Variants in RSPRY1 observed in about 807,000 individuals in gnomAD.
RSPRY1 encodes the protein ring finger and SPRY domain containing 1.
A neutral mutation model predicts 73.1 loss-of-function variants in RSPRY1; 23 were observed. The ratio of observed to expected loss-of-function variants is 0.31; its 90% CI spans 0.23 to 0.45. The LOEUF (loss-of-function observed/expected upper bound fraction) is 0.45, where lower values mean the gene tolerates loss of function less well. Ranked by LOEUF, RSPRY1 falls within the 20% of genes least tolerant of loss-of-function variation. RSPRY1 has a pLI of 1.00. For missense variants in RSPRY1, 448 were observed against 698.7 expected (o/e 0.64, Z 4.05); for synonymous variants, 226 against 251.4 (o/e 0.90, Z 0.95).
At position 57,219,016 on chromosome 16, in the gene RSPRY1, G is replaced by C. The variant is rs944388553; in HGVS notation, c.902-1716G>C. Among the ~76,000 whole-genome samples, 3 of 122,922 alleles carry C rather than the reference G, an allele frequency of 2.4e-5. 1 individual carries two copies. The highest frequency in any genetic ancestry group is 5.0e-5 in the Non-Finnish European group (3 of 59,584). The allele number at this position is 122,922 out of a possible 152,430, so 80.6% of individuals were successfully genotyped here. On this transcript the variant is annotated intron_variant, in intron 8 of 14. Transcript: ENST00000394420. ...CTCCCAAAGTGCTGGGATTACAGGC[G>C]TGAGCCACCGCGCCCGGCCACATTT...
intron 12 of RSPRY1, 119 bp from the exon 13 acceptor site, chr16:57,231,048 C>G (rs1201283602): frequency 1.1e-6 from 1 of 925,476 alleles, no homozygotes; most frequent in Non-Finnish European, 1.6e-6. Context: ...CAGTCTGTCA[C>G]TCTTCCTTTC....
At position 57,193,555 on chromosome 16, in the gene RSPRY1, T is replaced by A. The variant is rs988538171; in HGVS notation, c.-156+7104T>A. ...TCACCCAGGCTTGAGGGTAGTGGGA[T>A]GATCTCGGCTCACTGCAACCTCCAC... On this transcript the variant is annotated intron_variant, in intron 1 of 14. Transcript: ENST00000394420. Among the ~76,000 whole-genome samples the A allele has an allele frequency of 3.3e-5, 5 of 151,376 alleles. No homozygotes were observed. In the South Asian group the frequency reaches 1.0e-3, roughly 32 times the overall value.
chr16:57,201,511 C>T (rs1374958693), intron 1 of RSPRY1, among the ~76,000 whole-genome samples: 6 of 149,882 alleles, frequency 4.0e-5, no homozygotes, highest in African/African-American at 9.9e-5. Flanking sequence ...ACATCCCAGA[C>T]GATGGGCGGC....
intron 1 of RSPRY1, among the ~76,000 whole-genome samples, chr16:57,189,305 T>G (rs1401446099): frequency 2.0e-5 from 3 of 152,144 alleles, no homozygotes; most frequent in African/African-American, 7.2e-5. Context: ...CCTCAGTGAT[T>G]ATTTTCAAGT....
chr16:57,202,878 T>TTATATATATATATA (rs55701001), intron 1 of RSPRY1, among the ~76,000 whole-genome samples: 2,601 of 130,950 alleles, frequency 0.02, 41 homozygotes, highest in South Asian at 0.037. Flanking sequence ...TTACATATGA[T>TTATATATATATATA]TATATATATA....
At chr16:57,212,469 A>G (rs1456390005) in intron 4 of RSPRY1, among the ~76,000 whole-genome samples, 1 of 152,228 alleles carries the variant, frequency 6.6e-6, no homozygotes, top group African/African-American at 2.4e-5. Flanking sequence ...TATTTGATAC[A>G]ACTTAAGCAT....
intron 1 of RSPRY1, among the ~76,000 whole-genome samples, chr16:57,196,020 CAA>C (rs1185993362): frequency 9.4e-5 from 12 of 127,254 alleles, no homozygotes; most frequent in African/African-American, 1.5e-4. Context: ...GACTTCATCT[CAA>C]AAAAAAAAAA....
rs1451216451 is a variant in RSPRY1 at position 57,209,134 on chromosome 16, C to T, written c.463C>T (p.Leu155=). The change falls in exon 4 of 15, where the codon CTG becomes TTG. Residue 155 remains leucine (L), a synonymous_variant. Coordinates refer to ENST00000394420, the MANE Select transcript of RSPRY1 (RefSeq NM_133368.3). ...LIRVIPLEDP[L]GPAVITLLLD... ...TAGAGTTATTCCACTGGAAGATCCA[C>T]TGGGACCAGCTGTTATAACATTGTT... The T allele has an allele frequency of 6.2e-7, 1 of 1,613,386 alleles. No individual in the cohort carries two copies. The highest frequency in any genetic ancestry group is 1.7e-5 in the Admixed American group (1 of 59,996).
intron 1 of RSPRY1, among the ~76,000 whole-genome samples, chr16:57,190,158 A>G (rs959212060): frequency 2.6e-5 from 4 of 152,018 alleles, no homozygotes; most frequent in Admixed American, 2.6e-4. Flanking sequence ...ACTTGAGCCC[A>G]GGAGTTCAAG....
At position 57,189,838 on chromosome 16, in the gene RSPRY1, AC is replaced by A. The variant is rs372222224; in HGVS notation, c.-156+3389del. On this transcript the variant is annotated intron_variant, in intron 1 of 14. Coordinates refer to ENST00000394420, the MANE Select transcript of RSPRY1 (RefSeq NM_133368.3). ...ACTCCTGGGCACAAGCCATCCACCC[AC>A]CTTGGCCTCCCAAGGTGCTAGGATT... 5.7e-3 allele frequency among the ~76,000 whole-genome samples: 861 copies of A among 151,732 alleles called. 9 individuals carry two copies. The highest frequency in any genetic ancestry group is 0.02 in the African/African-American group (834 of 41,386).
At chr16:57,216,569 A>G (rs1018089829) in intron 7 of RSPRY1, 3 of 326,516 alleles carry the variant, frequency 9.2e-6, no homozygotes, top group Non-Finnish European at 1.7e-5. Context: ...AATTTTAAAA[A>G]ATCAGCCAGG....
At position 57,239,584 on chromosome 16, in the gene RSPRY1, G is replaced by C. The variant is rs1293892264; in HGVS notation, c.*609G>C. On this transcript the variant is annotated 3_prime_UTR_variant, in exon 15 of 15. Transcript: ENST00000394420. ...TTCAGTGATTCCAAAGAACATTCTAGGTTTTTTGTTTGTTTTTTTGTTTTT... is the reference window on the plus strand; with the variant it reads ...TTCAGTGATTCCAAAGAACATTCTACGTTTTTTGTTTGTTTTTTTGTTTTT... 2 of 151,618 alleles carry C rather than the reference G, an allele frequency of 1.3e-5. No homozygotes were observed. The highest frequency in any genetic ancestry group is 2.9e-5 in the Non-Finnish European group (2 of 67,908). 9.4% of individuals were successfully genotyped at this position (151,618 alleles called of 1,614,324 possible).
At position 57,204,755 on chromosome 16, in the gene RSPRY1, A is replaced by ACTGGAGGTG. The variant is rs750952622; in HGVS notation, c.99_107dup (p.Gly34_Ala36dup). 12 of 1,614,004 alleles carry ACTGGAGGTG rather than the reference A, an allele frequency of 7.4e-6. No individual in the cohort carries two copies. The highest frequency in any genetic ancestry group is 1.7e-5 in the Admixed American group (1 of 59,988). On this transcript the variant is annotated inframe_insertion, in exon 2 of 15. Coordinates refer to ENST00000394420, the MANE Select transcript of RSPRY1 (RefSeq NM_133368.3). Reference sequence around the variant, plus strand: ...AGAGCACATAGCCCACTTCCTAGGGACTGGAGGTGCCGCTACTACCATGGG... The same window carrying ACTGGAGGTG: ...AGAGCACATAGCCCACTTCCTAGGGACTGGAGGTGCTGGAGGTGCCGCTACTACCATGGG...
At chr16:57,200,794 C>T (rs1387234747) in intron 1 of RSPRY1, among the ~76,000 whole-genome samples, 2 of 420 alleles carry the variant, frequency 4.8e-3, no homozygotes, top group South Asian at 0.12. Flanking sequence ...GGGGGCTGGC[C>T]CCCCCCACAT....
chr16:57,223,602 G>C (rs576256684), intron 10 of RSPRY1, among the ~76,000 whole-genome samples: 1 of 151,982 alleles, frequency 6.6e-6, no homozygotes. Flanking sequence ...GTGAAACCCC[G>C]TCTCTACTGA....
chr16:57,208,534 G>A (rs1158599296), intron 3 of RSPRY1, among the ~76,000 whole-genome samples: 1 of 151,052 alleles, frequency 6.6e-6, no homozygotes, highest in Non-Finnish European at 1.5e-5. Flanking sequence ...CAAGTAGCTA[G>A]CACCACAGGC....
chr16:57,200,762 G>A (rs1355711252), intron 1 of RSPRY1, among the ~76,000 whole-genome samples: 1 of 114,656 alleles, frequency 8.7e-6, no homozygotes, highest in African/African-American at 3.6e-5. Context: ...CTCACCTCCC[G>A]GATGGGGCGG....
chr16:57,199,701 A>G (rs1204555069), intron 1 of RSPRY1, among the ~76,000 whole-genome samples: 3 of 152,148 alleles, frequency 2.0e-5, no homozygotes, highest in African/African-American at 7.2e-5. Flanking sequence ...TTTTTTTAAT[A>G]AAATACAATT....
At chr16:57,209,544 A>G (rs547873600) in intron 4 of RSPRY1, among the ~76,000 whole-genome samples, 1 of 152,110 alleles carries the variant, frequency 6.6e-6, no homozygotes, top group Admixed American at 6.5e-5. Context: ...TTGGATTTTT[A>G]GTAGAAACGG....
Sources: gnomAD v4.1 joint callset for allele counts (sites outside exome capture counted in the v4.1 genomes callset) on GRCh38, gnomAD v4.1.1 for gene constraint, MANE v1.5 for transcripts, NCBI Gene and HGNC (gene_info 2026-07-23, HGNC 2026-07-21) for gene names.